The following FOCAD variants were observed in gnomAD, a reference collection of about 807,000 sequenced individuals.
FOCAD encodes the protein focadhesin, also known as KIAA1797.
In FOCAD, 198 loss-of-function variants were observed where a neutral mutation model predicts 225.6. The observed-to-expected ratio is 0.88, with a 90% CI of 0.78 to 0.99. The LOEUF (loss-of-function observed/expected upper bound fraction) is 0.99. FOCAD is among the 50% of genes least tolerant of loss of function. The pLI, the probability that FOCAD is intolerant of heterozygous loss-of-function variation, is 0.00. For synonymous variants in FOCAD, 897 were observed against 755.0 expected (o/e 1.19, Z -3.08); for missense variants, 2,713 against 2,123.6 (o/e 1.28, Z -5.46).
At chr9:20,773,855 C>T (rs139551819) in intron 8 of FOCAD, among the ~76,000 whole-genome samples, 409 of 152,190 alleles carry the variant, frequency 2.7e-3, no homozygotes, top group Non-Finnish European at 4.7e-3. Flanking sequence ...TGATTGCAAC[C>T]GTATGGTGCC....
At chr9:20,872,536 C>A (rs1431391431) in intron 18 of FOCAD, among the ~76,000 whole-genome samples, 1 of 144,494 alleles carries the variant, frequency 6.9e-6, no homozygotes, top group East Asian at 2.2e-4. Context: ...TCTTCCCCTC[C>A]CCCTCCTCCT....
rs117700376 is a variant in FOCAD at position 20,704,985 on chromosome 9, C to A, written c.-32-10337C>A. ...TTCTTTGTGCATATATACTCTGGAG[C>A]GAGACTACTTAGGTTGGAATTCCAG... On this transcript the variant is annotated intron_variant, in intron 1 of 43. Transcript: ENST00000338382. 6.4e-3 allele frequency among the ~76,000 whole-genome samples: 976 copies of A among 152,204 alleles called. 14 individuals are homozygous for A. Among genetic ancestry groups the A allele is most frequent in the Non-Finnish European group, 8.9e-3 (606 of 68,018 alleles).
At chr9:20,763,222 C>T (rs1193860235) in intron 6 of FOCAD, among the ~76,000 whole-genome samples, 3 of 152,056 alleles carry the variant, frequency 2.0e-5, no homozygotes, top group African/African-American at 7.2e-5. Flanking sequence ...CTTTGAAGGC[C>T]TAGTATGTAC....
intron 11 of FOCAD, among the ~76,000 whole-genome samples, chr9:20,808,931 T>C (rs889561939): frequency 4.6e-5 from 7 of 152,188 alleles, no homozygotes; most frequent in Admixed American, 4.6e-4. Context: ...CTGTAACATA[T>C]AATAGTAATA....
chr9:20,745,114 AT>A (rs35957143), intron 5 of FOCAD, among the ~76,000 whole-genome samples: 189 of 146,156 alleles, frequency 1.3e-3, no homozygotes, highest in African/African-American at 1.7e-3. Context: ...TTATTTAAAC[AT>A]TTTTTTTTTT....
intron 9 of FOCAD, 35 bp from the exon 10 acceptor site, chr9:20,781,692 T>C (rs138005802): frequency 1.3e-6 from 2 of 1,597,118 alleles, no homozygotes; most frequent in East Asian, 4.5e-5. Flanking sequence ...GTGGTATTAA[T>C]TTTTAAAAAT....
At chr9:20,995,161 T>C (rs1367917996) in intron 43 of FOCAD, among the ~76,000 whole-genome samples, 1 of 152,060 alleles carries the variant, frequency 6.6e-6, no homozygotes, top group African/African-American at 2.4e-5. Context: ...TTCATTGTTG[T>C]TTTTTATCAT....
intron 11 of FOCAD, among the ~76,000 whole-genome samples, chr9:20,817,659 CT>C (rs74334803): frequency 6.6e-6 from 1 of 150,624 alleles, no homozygotes; most frequent in Non-Finnish European, 1.5e-5. Context: ...CCTTTTGTGG[CT>C]TTTTTTTCTC....
intron 7 of FOCAD, among the ~76,000 whole-genome samples, chr9:20,768,667 T>C (rs886117248): frequency 6.6e-6 from 1 of 152,190 alleles, no homozygotes; most frequent in African/African-American, 2.4e-5. Flanking sequence ...ATTTAAATTT[T>C]AAAATACAAG....
intron 28 of FOCAD, among the ~76,000 whole-genome samples, chr9:20,936,557 G>A (rs900155749): frequency 1.3e-5 from 2 of 152,120 alleles, no homozygotes; most frequent in East Asian, 3.9e-4. Flanking sequence ...GGCCGGGCGC[G>A]GTGGCTCACG....
At chr9:20,698,767 A>G (rs1018489047) in intron 1 of FOCAD, among the ~76,000 whole-genome samples, 1 of 152,224 alleles carries the variant, frequency 6.6e-6, no homozygotes, top group Non-Finnish European at 1.5e-5. Context: ...AAAACTCTTT[A>G]CAAATGTTAT....
At chr9:20,767,750 G>A (rs374393843) in intron 7 of FOCAD, among the ~76,000 whole-genome samples, 3 of 146,030 alleles carry the variant, frequency 2.1e-5, no homozygotes, top group South Asian at 2.2e-4. Context: ...AGTAGGTTGC[G>A]AAAATTTTCT....
chr9:20,752,626 T>C (rs1384040478), intron 5 of FOCAD, among the ~76,000 whole-genome samples: 2 of 151,956 alleles, frequency 1.3e-5, no homozygotes, highest in African/African-American at 4.8e-5. Context: ...GGCTTAGGAT[T>C]GACTCGGCGA....
chr9:20,815,457 T>C (rs537488244), intron 11 of FOCAD, among the ~76,000 whole-genome samples: 3 of 151,924 alleles, frequency 2.0e-5, no homozygotes, highest in Non-Finnish European at 2.9e-5. Context: ...TCCTTCGTTT[T>C]TGAAGGATAG....
At chr9:20,680,485 G>T (rs1407666441), upstream of FOCAD, among the ~76,000 whole-genome samples, 1 of 152,190 alleles carries the variant, frequency 6.6e-6, no homozygotes, top group African/African-American at 2.4e-5. Flanking sequence ...TTGAACCCAG[G>T]AGGTGGAGGT....
At chr9:20,668,404 T>A (rs1193734071) in intron 2 of FOCAD, among the ~76,000 whole-genome samples, 1 of 152,222 alleles carries the variant, frequency 6.6e-6, no homozygotes, top group Non-Finnish European at 1.5e-5. Flanking sequence ...AGCAAGTTGC[T>A]TTATTTACTA....
At chr9:20,926,051 G>T (rs923990514) in intron 25 of FOCAD, among the ~76,000 whole-genome samples, 5 of 152,090 alleles carry the variant, frequency 3.3e-5, no homozygotes, top group Non-Finnish European at 5.9e-5. Flanking sequence ...CTGTTTTGCA[G>T]CATCTATCCT....
At position 20,986,283 on chromosome 9, in the gene FOCAD, T is replaced by TTTTTTTTTTTTTTTTTAA; in HGVS notation, c.4729-5_4729-4insTTTTTTTTTTTTTTTTAA. On this transcript the variant is annotated splice_polypyrimidine_tract_variant and splice_region_variant and intron_variant, in intron 39 of 43. Coordinates refer to ENST00000338382, the MANE Select transcript of FOCAD (RefSeq NM_001375567.1). Reference sequence around the variant, plus strand: ...ACTAAACAATTTTTTTTTTTTTTTTTGCAGAGCAACATAGAAAAAGCTGCC... The same window carrying TTTTTTTTTTTTTTTTTAA: ...ACTAAACAATTTTTTTTTTTTTTTTTTTTTTTTTTTTTTTTTAAGCAGAGCAACATAGAAAAAGCTGCC... 1.4e-6 allele frequency: 2 copies of TTTTTTTTTTTTTTTTTAA among 1,476,882 alleles called. No homozygotes were observed. The highest frequency in any genetic ancestry group is 1.8e-6 in the Non-Finnish European group (2 of 1,113,550). The allele number at this position is 1,476,882 out of a possible 1,614,324, so 91.5% of individuals were successfully genotyped here.
chr9:20,909,598 A>G (rs1564139342), intron 22 of FOCAD, among the ~76,000 whole-genome samples: 1 of 152,094 alleles, frequency 6.6e-6, no homozygotes. Context: ...TTTACTTTGT[A>G]TTTCTAGTAA....
Sources: gnomAD v4.1 joint callset for allele counts (sites outside exome capture counted in the v4.1 genomes callset) on GRCh38, gnomAD v4.1.1 for gene constraint, MANE v1.5 for transcripts, NCBI Gene and HGNC (gene_info 2026-07-23, HGNC 2026-07-21) for gene names.